The following F13A1 variants were observed in gnomAD, a reference collection of about 807,000 sequenced individuals.
The protein encoded by F13A1 is FSF, A subunit.
F13A1 carries 47 observed loss-of-function variants against 80.1 expected under a neutral mutation model. That is an observed-to-expected ratio of 0.59 (90% confidence interval 0.46 to 0.75). The LOEUF (loss-of-function observed/expected upper bound fraction) is 0.75. Ranked by LOEUF, F13A1 falls within the 30% of genes least tolerant of loss-of-function variation. The probability of loss-of-function intolerance (pLI) is 0.00; values close to 1 mark genes in which losing one functional copy is unlikely to be tolerated. For missense variants in F13A1, 817 were observed against 930.4 expected (o/e 0.88, Z 1.59); for synonymous variants, 349 against 344.9 (o/e 1.01, Z -0.13).
At chr6:6,311,458 T>C (rs1758591526) in intron 2 of F13A1, among the ~76,000 whole-genome samples, 1 of 151,460 alleles carries the variant, frequency 6.6e-6, no homozygotes, top group Non-Finnish European at 1.5e-5. Flanking sequence ...CCTGCTTATA[T>C]GTTGATAACA....
At chr6:6,262,510 C>T (rs187474758) in intron 4 of F13A1, among the ~76,000 whole-genome samples, 3 of 152,308 alleles carry the variant, frequency 2.0e-5, no homozygotes, top group East Asian at 1.9e-4. Context: ...GATGTTTGGG[C>T]CTCCACAGGC....
chr6:6,308,223 C>T (rs1758540597), intron 2 of F13A1, among the ~76,000 whole-genome samples: 1 of 152,060 alleles, frequency 6.6e-6, no homozygotes, highest in Admixed American at 6.6e-5. Context: ...GGGGTTTCAC[C>T]ATGTTGGCCA....
intron 10 of F13A1, among the ~76,000 whole-genome samples, chr6:6,190,758 C>G (rs1176372102): frequency 4.6e-5 from 7 of 152,014 alleles, no homozygotes; most frequent in African/African-American, 1.7e-4. Flanking sequence ...CCACCCAGTT[C>G]GAGCTTCCTG....
chr6:6,257,019 G>A (rs546759211), intron 4 of F13A1, among the ~76,000 whole-genome samples: 1 of 152,274 alleles, frequency 6.6e-6, no homozygotes, highest in South Asian at 2.1e-4. Flanking sequence ...CTTCCAAAAG[G>A]CAAAATGAGT....
At chr6:6,231,108 G>A (rs1757346801) in intron 6 of F13A1, among the ~76,000 whole-genome samples, 1 of 152,078 alleles carries the variant, frequency 6.6e-6, no homozygotes, top group Non-Finnish European at 1.5e-5. Flanking sequence ...AATTAAGGAG[G>A]TTAGTTATTA....
At chr6:6,245,981 T>A (rs551975972) in intron 6 of F13A1, among the ~76,000 whole-genome samples, 19 of 152,218 alleles carry the variant, frequency 1.2e-4, no homozygotes, top group Non-Finnish European at 2.4e-4. Context: ...CTGTTTTACC[T>A]GTGAGGCCTG....
intron 10 of F13A1, among the ~76,000 whole-genome samples, chr6:6,186,538 T>C (rs1252074358): frequency 6.6e-6 from 1 of 152,188 alleles, no homozygotes; most frequent in Non-Finnish European, 1.5e-5. Context: ...GTTGTAGATA[T>C]GCGGCATTAT....
chr6:6,278,832 A>G (rs1758024221), intron 3 of F13A1, among the ~76,000 whole-genome samples: 1 of 152,150 alleles, frequency 6.6e-6, no homozygotes. Flanking sequence ...TCTTATTCTG[A>G]TTGAGAAAAG....
rs1250130818 is a variant in F13A1 at position 6,162,823 on chromosome 6, T to C, written c.1908+4635A>G. Among the ~76,000 whole-genome samples the C allele has an allele frequency of 2.6e-5, 4 of 152,220 alleles. No homozygotes were observed. Among genetic ancestry groups the C allele is most frequent in the Non-Finnish European group, 5.9e-5 (4 of 68,036 alleles). On this transcript the variant is annotated intron_variant, in intron 13 of 14. Coordinates refer to ENST00000264870, the MANE Select transcript of F13A1 (RefSeq NM_000129.4). The surrounding 1 kb of genome is among the most constrained non-coding windows in gnomAD (Gnocchi z 4.2). ...TGATCTGTCCAGGTTTACACAGTTA[T>C]GATGTTCAGAAAACAAGCTTTAAAC... is the stretch of plus-strand genomic sequence containing the variant.
intron 9 of F13A1, among the ~76,000 whole-genome samples, 159 bp from the exon 10 acceptor site, chr6:6,196,044 T>C (rs1193267572): frequency 2.0e-5 from 3 of 152,238 alleles, no homozygotes; most frequent in Admixed American, 6.5e-5. Context: ...GAGAATTCCA[T>C]TGGCTATGCC....
chr6:6,228,584 A>G (rs1757308730), intron 6 of F13A1, among the ~76,000 whole-genome samples: 1 of 151,892 alleles, frequency 6.6e-6, no homozygotes, highest in Non-Finnish European at 1.5e-5. Flanking sequence ...AAATACAAAA[A>G]CTAGCTGGGC....
At position 6,300,343 on chromosome 6, in the gene F13A1, C is replaced by T. The variant is rs191381012; in HGVS notation, c.319+5008G>A. Among the ~76,000 whole-genome samples, 1,406 of 151,014 alleles carry T rather than the reference C, an allele frequency of 9.3e-3. 13 individuals are homozygous for T. The highest frequency in any genetic ancestry group is 0.014 in the Admixed American group (211 of 15,266). On this transcript the variant is annotated intron_variant, in intron 3 of 14. Coordinates refer to ENST00000264870, the MANE Select transcript of F13A1 (RefSeq NM_000129.4). ...ATGGCGGGCGCCCCTCCCCCAGCCT[C>T]TCTGCCGCCTTGCAGTTTGATCTCA...
intron 8 of F13A1, among the ~76,000 whole-genome samples, chr6:6,216,935 C>CATCA (rs1360318850): frequency 6.6e-6 from 1 of 150,874 alleles, no homozygotes; most frequent in East Asian, 1.9e-4. Context: ...AAATGCTCAC[C>CATCA]ATCACTGGCC....
At chr6:6,150,872 C>T (rs913026275) in intron 14 of F13A1, among the ~76,000 whole-genome samples, 18 of 151,676 alleles carry the variant, frequency 1.2e-4, no homozygotes, top group South Asian at 4.2e-4. Flanking sequence ...AGAGCTGAAA[C>T]CATGTTAGAG....
intron 2 of F13A1, among the ~76,000 whole-genome samples, chr6:6,307,551 G>T (rs728605): frequency 9.2e-5 from 14 of 151,414 alleles, no homozygotes; most frequent in African/African-American, 2.7e-4. Context: ...GGGCTTTAAA[G>T]TTTTTTTTTT....
At chr6:6,274,995 T>C (rs1181148424) in intron 3 of F13A1, among the ~76,000 whole-genome samples, 1 of 152,126 alleles carries the variant, frequency 6.6e-6, no homozygotes, top group African/African-American at 2.4e-5. Flanking sequence ...CAAAGGTATG[T>C]AGAGTGTGTC....
chr6:6,256,915 G>A (rs1757711012), intron 4 of F13A1, among the ~76,000 whole-genome samples: 1 of 152,120 alleles, frequency 6.6e-6, no homozygotes, highest in Non-Finnish European at 1.5e-5. Flanking sequence ...CAAAACTATG[G>A]TGCTAGAACA....
intron 9 of F13A1, among the ~76,000 whole-genome samples, chr6:6,196,240 C>T (rs943380119): frequency 5.7e-4 from 87 of 152,174 alleles, no homozygotes; most frequent in Non-Finnish European, 3.8e-4. Flanking sequence ...TGTGGTTGTG[C>T]TGCTGTTGCT....
At chr6:6,261,578 A>G (rs941146211) in intron 4 of F13A1, among the ~76,000 whole-genome samples, 7 of 152,188 alleles carry the variant, frequency 4.6e-5, no homozygotes, top group African/African-American at 1.7e-4. Flanking sequence ...GTGGCTGAAC[A>G]AGCCCTCCAG....
Sources: allele counts gnomAD v4.1 joint callset (sites outside exome capture counted in the v4.1 genomes callset), GRCh38; gene constraint gnomAD v4.1.1; non-coding constraint Gnocchi (gnomAD v3.1); transcripts MANE v1.5; gene names NCBI Gene and HGNC (gene_info 2026-07-23, HGNC 2026-07-21).